ZNF273: variants seen among roughly 807,000 people sequenced by gnomAD.
The protein encoded by ZNF273 is zinc finger protein 9.
In ZNF273, 11 loss-of-function variants were observed where a neutral mutation model predicts 14.9. That is an observed-to-expected ratio of 0.74 (90% CI 0.46 to 1.22). The LOEUF (loss-of-function observed/expected upper bound fraction) is 1.22. ZNF273 is among the 50% of genes most tolerant of loss of function. The pLI, the probability that ZNF273 is intolerant of heterozygous loss-of-function variation, is 0.00. For synonymous variants in ZNF273, 199 were observed against 223.9 expected, an observed-to-expected ratio of 0.89 and a Z score of 0.99; for missense variants, 577 against 660.6, an observed-to-expected ratio of 0.87 and a Z score of 1.39.
downstream of ZNF273, among the ~76,000 whole-genome samples, chr7:64,883,644 C>T (rs964715067): frequency 2.6e-5 from 4 of 152,216 alleles, no homozygotes; most frequent in African/African-American, 9.6e-5. Flanking sequence ...CTCCAACGTG[C>T]CGGGGAATAG....
chr7:64,909,547 G>A (rs913976287), intron 1 of ZNF273, among the ~76,000 whole-genome samples: 1 of 151,996 alleles, frequency 6.6e-6, no homozygotes, highest in South Asian at 2.1e-4. Context: ...TTCTTTATCC[G>A]GTCTACTATT....
downstream of ZNF273, among the ~76,000 whole-genome samples, chr7:64,891,313 A>G (rs1048700844): frequency 2.6e-5 from 4 of 152,214 alleles, no homozygotes; most frequent in African/African-American, 7.2e-5. Context: ...AAGCCTCAGC[A>G]TGAGAAGATG....
upstream of ZNF273, among the ~76,000 whole-genome samples, chr7:64,900,856 C>T (rs1375819615): frequency 6.6e-6 from 1 of 152,164 alleles, no homozygotes; most frequent in Admixed American, 6.5e-5. Flanking sequence ...CCCACTTCTC[C>T]AAGAACACTC....
chr7:64,927,171 C>T (rs1000427530), intron 3 of ZNF273, among the ~76,000 whole-genome samples: 1 of 152,228 alleles, frequency 6.6e-6, no homozygotes, highest in African/African-American at 2.4e-5. Context: ...CAGCTCACTG[C>T]AGCCTCTACC....
At chr7:64,917,145 C>T (rs775974169) in intron 1 of ZNF273, 1 of 1,242,498 alleles carries the variant, frequency 8.0e-7, no homozygotes, top group South Asian at 1.3e-5. Context: ...TTTGGAAACT[C>T]AGACTTTATT....
intron 1 of ZNF273, among the ~76,000 whole-genome samples, chr7:64,911,656 T>G (rs1793524786): frequency 6.6e-6 from 1 of 152,212 alleles, no homozygotes; most frequent in African/African-American, 2.4e-5. Context: ...GCTATTGGTT[T>G]ATTTTATTAA....
At chr7:64,926,563 T>C (rs573719187) in intron 3 of ZNF273, among the ~76,000 whole-genome samples, 81 of 152,300 alleles carry the variant, frequency 5.3e-4, no homozygotes, top group Non-Finnish European at 1.1e-3. Context: ...TTAAAATTAA[T>C]TTTTACAGCT....
At chr7:64,905,687 GGTATAGTGTCTCC>G (rs1204964867) in intron 1 of ZNF273, among the ~76,000 whole-genome samples, 2 of 152,188 alleles carry the variant, frequency 1.3e-5, no homozygotes, top group African/African-American at 4.8e-5. Context: ...CAGTAACTGA[GGTATAGTGTCTCC>G]GAAGAGGGTG....
intron 3 of ZNF273, among the ~76,000 whole-genome samples, chr7:64,918,597 G>A (rs1278000193): frequency 1.4e-5 from 2 of 141,396 alleles, no homozygotes; most frequent in African/African-American, 5.2e-5. Flanking sequence ...GGAGGCGGAG[G>A]TTGCAGTGAG....
chr7:64,879,710 C>G (rs758880311), exon 3 of ZNF273: 3 of 152,186 alleles, frequency 2.0e-5, no homozygotes, highest in Non-Finnish European at 4.4e-5. Flanking sequence ...CTCAAAGAGA[C>G]CCCTCAAAAA....
rs1279181739 is a variant in ZNF273, at chr7:64,928,305, G to C, written c.977G>C (p.Gly326Ala). The change falls in exon 4 of 4, where the codon GGC becomes GCC. Residue 326 changes from glycine (G) to alanine (A), a missense_variant. Gly to Ala is a moderately conservative substitution (Grantham distance 60). Transcript: ENST00000476120. ...KPYNCEECGK[G>A]FSIFSTLTKH... ...TACAATTGTGAAGAATGTGGCAAAG[G>C]CTTTAGTATATTCTCAACCCTTACT... The C allele has an allele frequency of 5.0e-6, 8 of 1,612,590 alleles. No individual in the cohort carries two copies. Among genetic ancestry groups the C allele is most frequent in the Non-Finnish European group, 5.9e-6 (7 of 1,179,546 alleles).
chr7:64,900,213 A>C (rs1792612037), upstream of ZNF273, among the ~76,000 whole-genome samples: 1 of 147,236 alleles, frequency 6.8e-6, no homozygotes, highest in African/African-American at 2.5e-5. Context: ...TGCCACCTCC[A>C]TTTTCAAGGC....
At chr7:64,890,219 T>TGAGAGAGAGAGAGA (rs1388713118), downstream of ZNF273, 3 of 24,642 alleles carry the variant, frequency 1.2e-4, no homozygotes, top group Admixed American at 1.5e-3. Flanking sequence ...TGTGTGTGTG[T>TGAGAGAGAGAGAGA]GTGAGAGAGA....
At chr7:64,879,763 C>A (rs1031679373), downstream of ZNF273, 1 of 152,226 alleles carries the variant, frequency 6.6e-6, no homozygotes, top group Admixed American at 6.5e-5. Context: ...CCGATTCCTA[C>A]ACACAGCCTT....
In ZNF273 at chr7:64,928,988, AC is replaced by A; in HGVS notation, c.1664del (p.Pro555GlnfsTer31). The A allele has an allele frequency of 6.3e-7, 1 of 1,579,616 alleles. No individual in the cohort carries two copies. Among genetic ancestry groups the A allele is most frequent in the South Asian group, 1.2e-5 (1 of 84,740 alleles). On this transcript the variant is annotated frameshift_variant, in exon 4 of 4. Coordinates refer to ENST00000476120, the MANE Select transcript of ZNF273 (RefSeq NM_021148.3). LOFTEE classifies it high-confidence loss of function. ...PKRCDSAFDN[T>X]PNFSRHKRNH... Reference sequence around the variant, plus strand: ...AAGATGTGACAGTGCTTTTGACAACACCCCAAACTTTTCTAGACATAAAAGA... The same window carrying A: ...AAGATGTGACAGTGCTTTTGACAACACCCAAACTTTTCTAGACATAAAAGA...
At chr7:64,924,053 G>A (rs1794654926) in intron 3 of ZNF273, 1 of 151,846 alleles carries the variant, frequency 6.6e-6, no homozygotes, top group African/African-American at 2.4e-5. Context: ...ATTACATTGA[G>A]CAGTATAGAC....
At chr7:64,913,103 G>A (rs957212963) in intron 1 of ZNF273, among the ~76,000 whole-genome samples, 1 of 151,850 alleles carries the variant, frequency 6.6e-6, no homozygotes, top group Non-Finnish European at 1.5e-5. Context: ...AAAGTGCTGG[G>A]ATTACAGGCC....
rs1265125526 is a variant in ZNF273 at position 64,929,606 on chromosome 7, CAG to C, written c.*572_*573del. 1 of 152,152 alleles carries C rather than the reference CAG, an allele frequency of 6.6e-6. No homozygotes were observed. Among genetic ancestry groups the C allele is most frequent in the Non-Finnish European group, 1.5e-5 (1 of 68,058 alleles). The allele number at this position is 152,152 out of a possible 1,614,324, so 9.4% of individuals were successfully genotyped here. On this transcript the variant is annotated 3_prime_UTR_variant, in exon 4 of 4. Coordinates refer to ENST00000476120, the MANE Select transcript of ZNF273 (RefSeq NM_021148.3). ...TCCAAAGTTAGGTTTATATAAATAT[CAG>C]AGAATTCACAATACAGATATCTAAG...
At chr7:64,889,118 A>G (rs1791796550), downstream of ZNF273, 2 of 985,932 alleles carry the variant, frequency 2.0e-6, no homozygotes, top group East Asian at 1.1e-4. This position sits in a 1 kb window ranked among gnomAD's most constrained non-coding sequence, Gnocchi z 4.2. Flanking sequence ...GGAGCCAAGC[A>G]GGGATCCGGG....
Sources: gnomAD v4.1 joint callset for allele counts (sites outside exome capture counted in the v4.1 genomes callset) on GRCh38, gnomAD v4.1.1 for gene constraint, Gnocchi (gnomAD v3.1) non-coding constraint, MANE v1.5 for transcripts, NCBI Gene and HGNC (gene_info 2026-07-23, HGNC 2026-07-21) for gene names.